Variants in TRPC3 observed in about 807,000 individuals in gnomAD.
TRPC3 encodes short transient receptor potential channel 3.
In TRPC3, 54 loss-of-function variants were observed where a neutral mutation model predicts 90.9. That is an observed-to-expected ratio of 0.59 (90% confidence interval 0.48 to 0.75). The LOEUF is 0.75. Ranked by LOEUF, TRPC3 falls within the 30% of genes least tolerant of loss-of-function variation. TRPC3 has a pLI of 0.00. For missense variants in TRPC3, 918 were observed against 1,194.5 expected (o/e 0.77, Z 3.41); for synonymous variants, 424 against 450.9 (o/e 0.94, Z 0.75).
In TRPC3 at chr4:121,879,592, C is replaced by G. The variant is rs1727871587; in HGVS notation, c.*144G>C. 7 of 838,094 alleles carry G rather than the reference C, an allele frequency of 8.4e-6. No homozygotes were observed. Among genetic ancestry groups the G allele is most frequent in the Non-Finnish European group, 1.2e-5 (7 of 561,182 alleles). 51.9% of individuals were successfully genotyped at this position (838,094 alleles called of 1,614,324 possible). ...ATTTTCATGTGATAAAACAATAAAA[C>G]CATTAAGAGCTAACTTTTAAAGGTT... On this transcript the variant is annotated 3_prime_UTR_variant, in exon 12 of 12. Transcript: ENST00000379645.
intron 9 of TRPC3, among the ~76,000 whole-genome samples, chr4:121,901,409 C>T (rs1333533886): frequency 2.6e-5 from 4 of 152,250 alleles, no homozygotes; most frequent in South Asian, 2.1e-4. Flanking sequence ...ATCCAGGTGC[C>T]GCAGAGAGAG....
intron 10 of TRPC3, among the ~76,000 whole-genome samples, chr4:121,896,673 G>A (rs1250239537): frequency 6.7e-6 from 1 of 148,590 alleles, no homozygotes; most frequent in East Asian, 2.0e-4. Context: ...TGTACCACAT[G>A]CTCATGGATC....
chr4:121,938,695 A>G (rs983870555), intron 1 of TRPC3, among the ~76,000 whole-genome samples: 1 of 152,224 alleles, frequency 6.6e-6, no homozygotes, highest in Non-Finnish European at 1.5e-5. Flanking sequence ...ACAAATGGTA[A>G]AATAACGAAG....
At chr4:121,914,063 G>A (rs1433107779) in intron 4 of TRPC3, among the ~76,000 whole-genome samples, 2 of 152,214 alleles carry the variant, frequency 1.3e-5, no homozygotes, top group African/African-American at 4.8e-5. Context: ...TAACTGGCAT[G>A]AATAGTATTC....
intron 2 of TRPC3, among the ~76,000 whole-genome samples, chr4:121,926,419 T>G (rs974320927): frequency 5.9e-5 from 9 of 152,038 alleles, no homozygotes; most frequent in Admixed American, 5.9e-4. Context: ...TTCTTTTTTT[T>G]TTTTTTAGAT....
At position 121,877,184 on chromosome 4, in the gene TRPC3, C is replaced by A. The variant is rs1040381373; in HGVS notation, c.*2552G>T. Among the ~76,000 whole-genome samples the A allele has an allele frequency of 1.3e-5, 2 of 152,136 alleles. No individual in the cohort carries two copies. Among genetic ancestry groups the A allele is most frequent in the African/African-American group, 4.8e-5 (2 of 41,426 alleles). The stretch of plus-strand genomic sequence containing the variant: ...TAATCCTCATCTCAACCGTATGCTA[C>A]CACATTAATACCTTATGGCTTAGTG... On this transcript the variant is annotated 3_prime_UTR_variant, in exon 12 of 12. Coordinates refer to ENST00000379645, the MANE Select transcript of TRPC3 (RefSeq NM_001130698.2).
chr4:121,908,234 T>TA (rs999443989), intron 6 of TRPC3, among the ~76,000 whole-genome samples: 3 of 152,156 alleles, frequency 2.0e-5, no homozygotes, highest in Non-Finnish European at 4.4e-5. Flanking sequence ...ATTATGTGGT[T>TA]AATTGTGCAA....
chr4:121,892,654 A>G (rs1334073913), intron 10 of TRPC3, among the ~76,000 whole-genome samples: 2 of 152,196 alleles, frequency 1.3e-5, no homozygotes, highest in African/African-American at 4.8e-5. Context: ...ATCATAATTA[A>G]TATAAATAAT....
At chr4:121,931,975 A>G (rs959514998) in intron 2 of TRPC3, among the ~76,000 whole-genome samples, 1 of 152,216 alleles carries the variant, frequency 6.6e-6, no homozygotes, top group Non-Finnish European at 1.5e-5. Flanking sequence ...CCCTCCTTTT[A>G]GCAAAAAGGG....
intron 10 of TRPC3, among the ~76,000 whole-genome samples, chr4:121,898,656 T>C (rs1224031052): frequency 2.0e-5 from 3 of 152,186 alleles, no homozygotes; most frequent in Non-Finnish European, 4.4e-5. Context: ...TAGTTTCATA[T>C]AGCTAGAAGG....
rs1416931902 is a variant in TRPC3 at position 121,932,274 on chromosome 4, G to T, written c.984C>A (p.Phe328Leu). The T allele has an allele frequency of 6.8e-6, 11 of 1,613,264 alleles. No individual in the cohort carries two copies. Among genetic ancestry groups the T allele is most frequent in the Non-Finnish European group, 9.3e-6 (11 of 1,179,516 alleles). ...CGGGGTAGAGCGCAAAGCTTACCTT[G>T]AACTCCTTCTCTATGTTGGCCAGCT... ...LAKLANIEKE[F>L]KNDYRKLSMQ... Residue 328 changes from phenylalanine to leucine, a missense_variant, in exon 2 of 12, where the codon TTC becomes TTA. Transcript: ENST00000379645. The surrounding 1 kb of genome is among the most constrained non-coding windows in gnomAD (Gnocchi z 7.7).
intron 8 of TRPC3, among the ~76,000 whole-genome samples, chr4:121,904,038 G>A (rs1287160668): frequency 2.0e-5 from 3 of 152,034 alleles, no homozygotes; most frequent in Non-Finnish European, 2.9e-5. Context: ...ATTTCCTTAG[G>A]GCCAATACTT....
At position 121,880,592 on chromosome 4, in the gene TRPC3, C is replaced by T. The variant is rs145847692; in HGVS notation, c.2624-714G>A. 3.0e-3 allele frequency among the ~76,000 whole-genome samples: 462 copies of T among 152,042 alleles called. 2 individuals carry two copies. The highest frequency in any genetic ancestry group is 0.011 in the African/African-American group (439 of 41,438). ...TCAGTTTGGCAGTATTTTGAGCATA[C>T]GTATATTGCAATTAAAAACTGGATT... On this transcript the variant is annotated intron_variant, in intron 11 of 11. Transcript: ENST00000379645.
At chr4:121,921,958 G>A (rs147576094) in intron 3 of TRPC3, among the ~76,000 whole-genome samples, 4,960 of 143,310 alleles carry the variant, frequency 0.035, 290 homozygotes, top group African/African-American at 0.12. Flanking sequence ...TCGCTCTGTC[G>A]CCCAGGCTGC....
chr4:121,902,717 GA>G, intron 9 of TRPC3, 134 bp downstream of exon 9: 1 of 648,198 alleles, frequency 1.5e-6, no homozygotes, highest in African/African-American at 1.8e-5. Context: ...ATTAGTCTGT[GA>G]AAGACTGTGG....
Position 121,932,880 on chromosome 4 carries a change from T to C in TRPC3, c.378A>G (p.Pro126=), listed in dbSNP as rs753709510. Residue 126 remains proline, a synonymous_variant, in exon 2 of 12, where the codon CCA becomes CCG. Coordinates refer to ENST00000379645, the MANE Select transcript of TRPC3 (RefSeq NM_001130698.2). The surrounding 1 kb of genome is among the most constrained non-coding windows in gnomAD (Gnocchi z 7.7). ...FLDAAEYGNI[P]VVRKMLEESK... is the part of the protein sequence containing the mutation. The stretch of plus-strand genomic sequence containing the variant: ...ACTCCTCCAGCATCTTGCGCACCAC[T>C]GGGATGTTGCCGTACTCGGCGGCGT... 24 of 1,613,880 alleles carry C rather than the reference T, an allele frequency of 1.5e-5. No homozygotes were observed. Among genetic ancestry groups the C allele is most frequent in the South Asian group, 8.8e-5 (8 of 91,046 alleles).
chr4:121,897,209 A>C (rs1445453637), intron 10 of TRPC3, among the ~76,000 whole-genome samples: 2 of 152,046 alleles, frequency 1.3e-5, no homozygotes, highest in Non-Finnish European at 1.5e-5. Flanking sequence ...CATAGGAGAA[A>C]TGCTTCAGGA....
chr4:121,934,563 A>C (rs1021477020), intron 1 of TRPC3, among the ~76,000 whole-genome samples: 7 of 152,186 alleles, frequency 4.6e-5, no homozygotes, highest in African/African-American at 1.7e-4. Context: ...TAGAAAAGAA[A>C]ATGCTTTATT....
intron 3 of TRPC3, among the ~76,000 whole-genome samples, chr4:121,919,827 G>A (rs1225436556): frequency 6.6e-6 from 1 of 152,178 alleles, no homozygotes; most frequent in Non-Finnish European, 1.5e-5. Context: ...TTCTCTTTCT[G>A]AGAGCCCAGT....
Sources: allele counts gnomAD v4.1 joint callset (sites outside exome capture counted in the v4.1 genomes callset), GRCh38; gene constraint gnomAD v4.1.1; non-coding constraint Gnocchi (gnomAD v3.1); transcripts MANE v1.5; gene names NCBI Gene and HGNC (gene_info 2026-07-23, HGNC 2026-07-21).